Variants in INO80 observed in about 807,000 individuals in gnomAD.
INO80 encodes INO80 complex ATPase subunit.
Under a neutral mutation model 203.4 loss-of-function variants are expected in INO80, and 20 were observed. The ratio of observed to expected loss-of-function variants is 0.10; its 90% CI spans 0.07 to 0.14. The LOEUF (loss-of-function observed/expected upper bound fraction) is 0.14, where lower values mean the gene tolerates loss of function less well. Ranked by LOEUF, INO80 falls within the 10% of genes least tolerant of loss-of-function variation. The pLI is 1.00. For missense variants in INO80, 1,419 were observed against 1,914.4 expected (o/e 0.74, Z 4.83); for synonymous variants, 726 against 685.2 (o/e 1.06, Z -0.93).
At chr15:40,980,555 C>A (rs1185869898) in intron 35 of INO80, 115 bp from the exon 36 acceptor site, 1 of 697,376 alleles carries the variant, frequency 1.4e-6, no homozygotes, top group Non-Finnish European at 2.5e-6. Context: ...GGCAATTCCT[C>A]CCTGCCACTC....
intron 8 of INO80, among the ~76,000 whole-genome samples, chr15:41,080,187 G>A (rs1364636769): frequency 6.6e-6 from 1 of 152,166 alleles, no homozygotes; most frequent in Non-Finnish European, 1.5e-5. Flanking sequence ...GTTACAAAAT[G>A]TTATTGCACA....
chr15:41,056,574 CCTT>C (rs762084528), intron 17 of INO80, 45 bp downstream of exon 17: 4 of 1,334,518 alleles, frequency 3.0e-6, no homozygotes, highest in Non-Finnish European at 4.3e-6. Flanking sequence ...CTGCTGGAAT[CCTT>C]CTGTTTTATG....
At chr15:41,000,706 C>CA (rs58232890) in intron 28 of INO80, among the ~76,000 whole-genome samples, 1,994 of 56,260 alleles carry the variant, frequency 0.035, 48 homozygotes, top group East Asian at 0.15. Flanking sequence ...CACCCTGTCT[C>CA]AAAAAAAAAA....
intron 29 of INO80, 92 bp from the exon 30 acceptor site, chr15:40,988,066 C>T (rs1013550390): frequency 1.2e-5 from 13 of 1,071,338 alleles, no homozygotes; most frequent in South Asian, 3.1e-5. Flanking sequence ...GCGAGTTTGG[C>T]GTCAGTAGGG....
intron 14 of INO80, among the ~76,000 whole-genome samples, chr15:41,062,344 G>A (rs913372259): frequency 1.3e-5 from 2 of 152,266 alleles, no homozygotes; most frequent in Admixed American, 1.3e-4. Flanking sequence ...GCTCATGCCT[G>A]TAATCTCAGC....
At chr15:41,111,341 G>C (rs772137644) in intron 1 of INO80, among the ~76,000 whole-genome samples, 4 of 152,200 alleles carry the variant, frequency 2.6e-5, no homozygotes, top group Non-Finnish European at 4.4e-5. Flanking sequence ...GGTTACTCAG[G>C]AGGCTGAGGC....
chr15:40,985,334 A>G lies in INO80; in HGVS notation c.3921+4T>C, dbSNP rs1271904815. 2.5e-6 allele frequency: 4 copies of G among 1,612,188 alleles called. No individual in the cohort carries two copies. Among genetic ancestry groups the G allele is most frequent in the Non-Finnish European group, 3.4e-6 (4 of 1,178,442 alleles). Reference sequence around the variant, plus strand: ...CCCTATCCACCATTCCAGGCTGGAAATACCTTCTCTGCATACTTTTCCCGC... The same window carrying G: ...CCCTATCCACCATTCCAGGCTGGAAGTACCTTCTCTGCATACTTTTCCCGC... On this transcript the variant is annotated splice_donor_region_variant and intron_variant, in intron 32 of 35. Coordinates refer to ENST00000648947, the MANE Select transcript of INO80 (RefSeq NM_017553.3).
Position 41,079,704 on chromosome 15 carries a change from C to T in INO80, c.1128G>A (p.Arg376=), listed in dbSNP as rs1163269152. 1 of 1,614,020 alleles carries T rather than the reference C, an allele frequency of 6.2e-7. No individual in the cohort carries two copies. Among genetic ancestry groups the T allele is most frequent in the Admixed American group, 1.7e-5 (1 of 60,006 alleles). Residue 376 remains arginine (R), a synonymous_variant, in exon 9 of 36, where the codon CGG becomes CGA. Coordinates refer to ENST00000648947, the MANE Select transcript of INO80 (RefSeq NM_017553.3). Reference sequence around the variant, plus strand: ...AAATGTTATGCTTTTGCCCTACCTCCCGCATTTCCTCATCCAACTTCCGCT... The same window carrying T: ...AAATGTTATGCTTTTGCCCTACCTCTCGCATTTCCTCATCCAACTTCCGCT... The part of the protein sequence containing the change: ...LEQRKLDEEM[R]EAKRQQRKLN...
intron 28 of INO80, chr15:41,004,572 G>C (rs557750828): frequency 6.6e-6 from 1 of 152,146 alleles, no homozygotes; most frequent in African/African-American, 2.4e-5. Flanking sequence ...CAACAGACCC[G>C]TCACTAGTGG....
intron 7 of INO80, 91 bp downstream of exon 7, chr15:41,085,278 T>C (rs1367315137): frequency 4.6e-6 from 5 of 1,081,522 alleles, no homozygotes; most frequent in Non-Finnish European, 5.6e-6. Flanking sequence ...AATTCCTATC[T>C]GTGAAAGTAT....
chr15:41,023,441 T>C (rs1178197584), intron 25 of INO80: 9 of 424,692 alleles, frequency 2.1e-5, no homozygotes, highest in Non-Finnish European at 3.3e-5. Context: ...TTGAACAGCA[T>C]GCATACTCTT....
intron 16 of INO80, 119 bp from the exon 17 acceptor site, chr15:41,056,825 T>TC: frequency 1.4e-6 from 1 of 734,390 alleles, no homozygotes; most frequent in Non-Finnish European, 2.4e-6. Context: ...AATCAAGTAC[T>TC]CCATCATGTA....
At chr15:41,024,072 C>T (rs2044339567) in intron 25 of INO80, among the ~76,000 whole-genome samples, 1 of 152,034 alleles carries the variant, frequency 6.6e-6, no homozygotes, top group Non-Finnish European at 1.5e-5. Context: ...AACAAAACAA[C>T]TTTTTCCAGT....
intron 10 of INO80, 125 bp from the exon 11 acceptor site, chr15:41,073,620 G>T: frequency 1.3e-6 from 1 of 795,970 alleles, no homozygotes; most frequent in Non-Finnish European, 2.2e-6. Context: ...CACGGAGGGT[G>T]GGGGAAGAGA....
At chr15:41,093,148 C>T (rs1179015700) in intron 4 of INO80, among the ~76,000 whole-genome samples, 3 of 152,054 alleles carry the variant, frequency 2.0e-5, no homozygotes, top group African/African-American at 4.8e-5. Flanking sequence ...GACTACCGGC[C>T]GGGCTCAGTG....
At chr15:41,002,812 G>C (rs1489678551) in intron 28 of INO80, among the ~76,000 whole-genome samples, 2 of 152,176 alleles carry the variant, frequency 1.3e-5, no homozygotes, top group African/African-American at 4.8e-5. Flanking sequence ...CATTAAAAAT[G>C]TTGTCGGCAA....
In INO80 at chr15:40,987,172, C is replaced by G; in HGVS notation, c.3751G>C (p.Gly1251Arg). 1.2e-6 allele frequency: 2 copies of G among 1,610,232 alleles called. No homozygotes were observed. Among genetic ancestry groups the G allele is most frequent in the Non-Finnish European group, 1.7e-6 (2 of 1,177,158 alleles). ...KSEIQRMVISGGNFKPDTLKP... is the reference protein window; with the variant it reads ...KSEIQRMVISRGNFKPDTLKP... Reference sequence around the variant, plus strand: ...AAGGTATCTGGTTTGAAGTTCCCACCTGAAATCACCATCCGCTGAATCTAC... The same window carrying G: ...AAGGTATCTGGTTTGAAGTTCCCACGTGAAATCACCATCCGCTGAATCTAC... The change falls in exon 31 of 36, where the codon GGT becomes CGT. Residue 1251 changes from glycine to arginine, a missense_variant. Physicochemically the swap from Gly to Arg is moderately radical, Grantham distance 125. Coordinates refer to ENST00000648947, the MANE Select transcript of INO80 (RefSeq NM_017553.3).
intron 9 of INO80, among the ~76,000 whole-genome samples, chr15:41,076,836 A>T (rs1345918081): frequency 6.6e-6 from 1 of 152,224 alleles, no homozygotes; most frequent in Non-Finnish European, 1.5e-5. Context: ...AAATGAAAAC[A>T]TAATCCAAAA....
Position 41,062,285 on chromosome 15 carries a change from T to C in INO80, c.1783-2359A>G, listed in dbSNP as rs1162233652. Among the ~76,000 whole-genome samples, 4 of 151,950 alleles carry C rather than the reference T, an allele frequency of 2.6e-5. No homozygotes were observed. In the South Asian group the frequency reaches 6.2e-4, roughly 24 times the overall value. ...TTATTTTTTAAGTCAAGAAGGCAAGTTTTTCCCCCAGATTATCTACTAGAG... is the reference window on the plus strand; with the variant it reads ...TTATTTTTTAAGTCAAGAAGGCAAGCTTTTCCCCCAGATTATCTACTAGAG... On this transcript the variant is annotated intron_variant, in intron 14 of 35. Transcript: ENST00000648947.
Sources: allele counts gnomAD v4.1 joint callset (sites outside exome capture counted in the v4.1 genomes callset), GRCh38; gene constraint gnomAD v4.1.1; transcripts MANE v1.5; gene names NCBI Gene and HGNC (gene_info 2026-07-23, HGNC 2026-07-21).